SCAMP1: variants seen among roughly 807,000 people sequenced by gnomAD.
SCAMP1 encodes the protein secretory carrier membrane protein 1, also known as secretory carrier-associated membrane protein 1.
SCAMP1 carries 15 observed loss-of-function variants against 41.8 expected under a neutral mutation model. The observed-to-expected ratio is 0.36, with a 90% CI of 0.24 to 0.55. The LOEUF (loss-of-function observed/expected upper bound fraction) is 0.55, where lower values mean the gene tolerates loss of function less well. Among genes scored for constraint, SCAMP1 ranks in the 20% least tolerant of loss-of-function variants. The probability of loss-of-function intolerance (pLI) is 0.86; values close to 1 mark genes in which losing one functional copy is unlikely to be tolerated. For synonymous variants in SCAMP1, 135 were observed against 136.8 expected, an observed-to-expected ratio of 0.99 and a Z score of 0.09; for missense variants, 341 against 412.6, an observed-to-expected ratio of 0.83 and a Z score of 1.50.
rs1041904498 is a variant in SCAMP1 at position 78,427,038 on chromosome 5, C to A, written c.632+5078C>A. ...CCATGAATATGCATGTGTCTTAGTT[C>A]ATATTTGTTGCTCTAAAGGAACACC... On this transcript the variant is annotated intron_variant, in intron 6 of 8. Transcript: ENST00000621999. Among the ~76,000 whole-genome samples, 5 of 152,100 alleles carry A rather than the reference C, an allele frequency of 3.3e-5. No homozygotes were observed. In the South Asian group the frequency reaches 6.2e-4, roughly 19 times the overall value.
At chr5:78,433,399 C>T (rs150336749) in intron 6 of SCAMP1, among the ~76,000 whole-genome samples, 1 of 152,216 alleles carries the variant, frequency 6.6e-6, no homozygotes, top group East Asian at 1.9e-4. Flanking sequence ...TAGCAAATCC[C>T]ATCCTCCTCA....
At chr5:78,375,178 A>G (rs921396049) in intron 1 of SCAMP1, among the ~76,000 whole-genome samples, 1 of 152,120 alleles carries the variant, frequency 6.6e-6, no homozygotes, top group Non-Finnish European at 1.5e-5. Context: ...TATAGTCTTG[A>G]CTGAACCAAG....
chr5:78,457,004 C>T (rs1290067458), intron 7 of SCAMP1, among the ~76,000 whole-genome samples: 4 of 132,228 alleles, frequency 3.0e-5, no homozygotes, highest in East Asian at 4.8e-4. Context: ...GCATTCTTCA[C>T]GTAGTTCTCG....
intron 8 of SCAMP1, among the ~76,000 whole-genome samples, chr5:78,462,181 C>T (rs1753633733): frequency 7.0e-6 from 1 of 142,074 alleles, no homozygotes; most frequent in African/African-American, 2.7e-5. Flanking sequence ...TAAATGTATT[C>T]TGGATGTGTG....
At chr5:78,405,197 C>T (rs1014769855) in intron 2 of SCAMP1, among the ~76,000 whole-genome samples, 1 of 152,168 alleles carries the variant, frequency 6.6e-6, no homozygotes, top group Non-Finnish European at 1.5e-5. Flanking sequence ...ATTCTAAACT[C>T]CTTATACATG....
At chr5:78,391,520 C>G (rs1445611967) in intron 2 of SCAMP1, among the ~76,000 whole-genome samples, 1 of 151,414 alleles carries the variant, frequency 6.6e-6, no homozygotes, top group Non-Finnish European at 1.5e-5. Context: ...ACTTCCCAGA[C>G]GGGGTGGCTG....
At chr5:78,465,076 CTG>C in intron 8 of SCAMP1, among the ~76,000 whole-genome samples, 1 of 152,282 alleles carries the variant, frequency 6.6e-6, no homozygotes, top group Admixed American at 6.5e-5. Flanking sequence ...TCCGATCTTG[CTG>C]TGTCTCCCAG....
At chr5:78,460,748 C>T (rs189978845) in intron 8 of SCAMP1, among the ~76,000 whole-genome samples, 45 of 9,510 alleles carry the variant, frequency 4.7e-3, no homozygotes, top group Middle Eastern at 0.036. Flanking sequence ...TTTTCTCCTT[C>T]CTTCCTTCCT....
intron 8 of SCAMP1, among the ~76,000 whole-genome samples, chr5:78,464,143 ATT>A (rs61610232): frequency 2.7e-5 from 4 of 149,168 alleles, no homozygotes; most frequent in Middle Eastern, 3.5e-3. Flanking sequence ...ACACTCAGCT[ATT>A]TTTTTTTTTC....
intron 6 of SCAMP1, among the ~76,000 whole-genome samples, chr5:78,429,140 T>G (rs551048794): frequency 6.6e-6 from 1 of 152,236 alleles, no homozygotes; most frequent in East Asian, 1.9e-4. Flanking sequence ...CACCTTCCTT[T>G]TTTCCTCCTT....
At chr5:78,378,420 G>A (rs1393746368) in intron 1 of SCAMP1, among the ~76,000 whole-genome samples, 1 of 152,154 alleles carries the variant, frequency 6.6e-6, no homozygotes, top group Non-Finnish European at 1.5e-5. Context: ...GTTATGTGTG[G>A]CAGTGATTAA....
chr5:78,450,944 T>C (rs1353474017), intron 7 of SCAMP1, among the ~76,000 whole-genome samples: 1 of 152,198 alleles, frequency 6.6e-6, no homozygotes, highest in African/African-American at 2.4e-5. Flanking sequence ...TAAAATCAGT[T>C]CTCAGATAAA....
At position 78,393,997 on chromosome 5, in the gene SCAMP1, C is replaced by A. The variant is rs575736494; in HGVS notation, c.135+5083C>A. On this transcript the variant is annotated intron_variant, in intron 2 of 8. Transcript: ENST00000621999. Reference sequence around the variant, plus strand: ...AAATCCTTAGAGACATTTCTTGGGGCCTAGTTTACTGTCATGTTTCTTTTC... The same window carrying A: ...AAATCCTTAGAGACATTTCTTGGGGACTAGTTTACTGTCATGTTTCTTTTC... Among the ~76,000 whole-genome samples the A allele has an allele frequency of 6.6e-5, 10 of 152,136 alleles. No individual in the cohort carries two copies. In the South Asian group the frequency reaches 1.9e-3, roughly 28 times the overall value.
chr5:78,442,486 T>G (rs1329576347), intron 6 of SCAMP1, among the ~76,000 whole-genome samples: 1 of 152,162 alleles, frequency 6.6e-6, no homozygotes, highest in Non-Finnish European at 1.5e-5. Flanking sequence ...CTCGAACTCC[T>G]GACCTCAGGT....
intron 6 of SCAMP1, among the ~76,000 whole-genome samples, chr5:78,430,711 A>G (rs1387621515): frequency 1.3e-5 from 2 of 151,948 alleles, no homozygotes; most frequent in Non-Finnish European, 2.9e-5. Context: ...CTGAGGTTTT[A>G]ACCCAGATCT....
intron 2 of SCAMP1, among the ~76,000 whole-genome samples, chr5:78,403,453 A>G (rs182019406): frequency 9.3e-5 from 14 of 150,910 alleles, no homozygotes; most frequent in Admixed American, 2.0e-4. Context: ...AATTGAATAC[A>G]TTGTTGCTGT....
intron 2 of SCAMP1, among the ~76,000 whole-genome samples, chr5:78,410,296 C>T (rs1181381542): frequency 6.6e-6 from 1 of 151,620 alleles, no homozygotes; most frequent in African/African-American, 2.4e-5. Context: ...CACCCCTAAT[C>T]CCCATCCCCA....
intron 8 of SCAMP1, among the ~76,000 whole-genome samples, chr5:78,463,595 TTC>T (rs1438177553): frequency 6.6e-6 from 1 of 152,226 alleles, no homozygotes; most frequent in African/African-American, 2.4e-5. Flanking sequence ...CTTTTGAACG[TTC>T]TGAGTAATAT....
intron 2 of SCAMP1, among the ~76,000 whole-genome samples, chr5:78,399,418 A>AT (rs1751744973): frequency 1.3e-5 from 2 of 152,140 alleles, no homozygotes; most frequent in Admixed American, 1.3e-4. Flanking sequence ...AGTCTGTACT[A>AT]TTTTGCACTC....
Sources: allele counts gnomAD v4.1 joint callset (sites outside exome capture counted in the v4.1 genomes callset), GRCh38; gene constraint gnomAD v4.1.1; transcripts MANE v1.5; gene names NCBI Gene and HGNC (gene_info 2026-07-23, HGNC 2026-07-21).